The following LRRTM4 variants were observed in gnomAD, a reference collection of about 807,000 sequenced individuals.
LRRTM4 encodes leucine rich repeat transmembrane neuronal 4, also known as leucine-rich repeat transmembrane neuronal protein 4.
In LRRTM4, 25 loss-of-function variants were observed where a neutral mutation model predicts 47.6. The ratio of observed to expected loss-of-function variants is 0.53; its 90% CI spans 0.38 to 0.73. The LOEUF (loss-of-function observed/expected upper bound fraction) is 0.73. Ranked by LOEUF, LRRTM4 falls within the 30% of genes least tolerant of loss-of-function variation. The pLI, the probability that LRRTM4 is intolerant of heterozygous loss-of-function variation, is 0.00. For missense variants in LRRTM4, 638 were observed against 713.4 expected, an observed-to-expected ratio of 0.89 and a Z score of 1.20; for synonymous variants, 311 against 269.5, an observed-to-expected ratio of 1.15 and a Z score of -1.51.
intron 3 of LRRTM4, among the ~76,000 whole-genome samples, chr2:77,188,427 A>AAC (rs1673573043): frequency 6.6e-6 from 1 of 152,148 alleles, no homozygotes; most frequent in African/African-American, 2.4e-5. Flanking sequence ...TCATTAATGA[A>AAC]ACATATCATT....
chr2:77,512,029 C>T (rs893193417), intron 3 of LRRTM4, among the ~76,000 whole-genome samples: 4 of 152,144 alleles, frequency 2.6e-5, no homozygotes, highest in African/African-American at 9.7e-5. Context: ...TCAAACATAG[C>T]TCAGGACAAC....
At chr2:76,947,157 G>T (rs1402060437) in intron 3 of LRRTM4, among the ~76,000 whole-genome samples, 1 of 151,802 alleles carries the variant, frequency 6.6e-6, no homozygotes, top group Non-Finnish European at 1.5e-5. Flanking sequence ...ATCAACAGAA[G>T]GAATAATGGA....
Position 77,519,674 on chromosome 2 carries a change from G to C in LRRTM4, c.195C>G (p.Gly65=), listed in dbSNP as rs147860612. Residue 65 remains glycine, a synonymous_variant, in exon 3 of 4, where the codon GGC becomes GGG. Coordinates refer to ENST00000409884, the MANE Select transcript of LRRTM4 (RefSeq NM_001134745.3). This position sits in a 1 kb window ranked among gnomAD's most constrained non-coding sequence, Gnocchi z 4.6. ...IPENISGGSQ[G]LSLRFNSIQK... is the part of the protein sequence containing the mutation. ...GAATGCTGTTGAACCTTAATGATAA[G>C]CCTTGTGACCCTCCAGAAATGTTCT... 1 of 1,613,274 alleles carries C rather than the reference G, an allele frequency of 6.2e-7. No individual in the cohort carries two copies. Among genetic ancestry groups the C allele is most frequent in the Non-Finnish European group, 8.5e-7 (1 of 1,179,610 alleles).
chr2:77,422,387 T>C (rs1674935839), intron 3 of LRRTM4, among the ~76,000 whole-genome samples: 1 of 152,196 alleles, frequency 6.6e-6, no homozygotes. Context: ...ACTGCATCCA[T>C]GTCTGATGCA....
intron 3 of LRRTM4, among the ~76,000 whole-genome samples, chr2:76,780,260 A>T (rs1367745032): frequency 1.3e-5 from 2 of 151,932 alleles, no homozygotes; most frequent in Non-Finnish European, 2.9e-5. Context: ...CTTCTCGAGG[A>T]GTATCTTTGT....
intron 3 of LRRTM4, among the ~76,000 whole-genome samples, chr2:76,791,061 C>T (rs1674945350): frequency 1.3e-5 from 2 of 152,140 alleles, no homozygotes; most frequent in South Asian, 2.1e-4. Context: ...GGCTATAACA[C>T]TGGCTGTTAC....
At position 77,398,591 on chromosome 2, in the gene LRRTM4, G is replaced by T. The variant is rs141781160; in HGVS notation, c.1551+119727C>A. 4.0e-5 allele frequency among the ~76,000 whole-genome samples: 6 copies of T among 151,874 alleles called. No individual in the cohort carries two copies. In the East Asian group the frequency reaches 9.7e-4, roughly 25 times the overall value. On this transcript the variant is annotated intron_variant, in intron 3 of 3. Coordinates refer to ENST00000409884, the MANE Select transcript of LRRTM4 (RefSeq NM_001134745.3). ...TCATATATCAGAATTGGAAATAATGGATTGTGTGTGAAATTATTTTAGAAC... is the reference window on the plus strand; with the variant it reads ...TCATATATCAGAATTGGAAATAATGTATTGTGTGTGAAATTATTTTAGAAC...
At chr2:77,158,271 A>G (rs1275118999) in intron 3 of LRRTM4, among the ~76,000 whole-genome samples, 1 of 152,212 alleles carries the variant, frequency 6.6e-6, no homozygotes, top group Non-Finnish European at 1.5e-5. Context: ...AATGTCAAAA[A>G]ATATAGAGAT....
intron 3 of LRRTM4, among the ~76,000 whole-genome samples, chr2:76,808,035 T>G (rs1482005804): frequency 6.6e-6 from 1 of 151,626 alleles, no homozygotes; most frequent in Non-Finnish European, 1.5e-5. Context: ...CTCTTTTCTT[T>G]TCTTTCTTGT....
intron 3 of LRRTM4, among the ~76,000 whole-genome samples, chr2:77,186,081 T>C (rs1028293141): frequency 6.6e-6 from 1 of 152,130 alleles, no homozygotes; most frequent in Non-Finnish European, 1.5e-5. Flanking sequence ...ATCTAATATA[T>C]TCATTGTTTT....
chr2:76,990,826 C>T (rs997244120), intron 3 of LRRTM4, among the ~76,000 whole-genome samples: 2 of 151,518 alleles, frequency 1.3e-5, no homozygotes, highest in African/African-American at 4.8e-5. Flanking sequence ...ACTATTGCAC[C>T]CATCAATCAC....
intron 3 of LRRTM4, among the ~76,000 whole-genome samples, chr2:77,241,198 T>C (rs1231256437): frequency 1.4e-5 from 2 of 142,192 alleles, no homozygotes; most frequent in Admixed American, 1.4e-4. Flanking sequence ...AAACATGGAA[T>C]TGGAAATACA....
At chr2:77,487,213 A>T (rs1677952242) in intron 3 of LRRTM4, among the ~76,000 whole-genome samples, 1 of 152,090 alleles carries the variant, frequency 6.6e-6, no homozygotes, top group Admixed American at 6.5e-5. Flanking sequence ...GAAGCCCTGC[A>T]CTTCTGGGTG....
At chr2:77,390,234 G>A (rs1673446901) in intron 3 of LRRTM4, among the ~76,000 whole-genome samples, 1 of 152,048 alleles carries the variant, frequency 6.6e-6, no homozygotes, top group Non-Finnish European at 1.5e-5. Flanking sequence ...GTGCTGTACT[G>A]CATTGGAAGA....
At chr2:76,923,441 A>C (rs1674494628) in intron 3 of LRRTM4, among the ~76,000 whole-genome samples, 1 of 151,924 alleles carries the variant, frequency 6.6e-6, no homozygotes, top group South Asian at 2.1e-4. Context: ...TAAATACTCA[A>C]AACTGAGCAA....
At chr2:77,440,765 C>T (rs1471533654) in intron 3 of LRRTM4, among the ~76,000 whole-genome samples, 1 of 152,152 alleles carries the variant, frequency 6.6e-6, no homozygotes, top group Non-Finnish European at 1.5e-5. Flanking sequence ...CCTATACAGA[C>T]ATTTCCTTTA....
chr2:77,133,091 A>T (rs1272338839), intron 3 of LRRTM4, among the ~76,000 whole-genome samples: 1 of 152,158 alleles, frequency 6.6e-6, no homozygotes, highest in African/African-American at 2.4e-5. Flanking sequence ...CTGCCCAGAA[A>T]ATTTACTTCA....
At chr2:77,446,702 A>G (rs72921956) in intron 3 of LRRTM4, among the ~76,000 whole-genome samples, 8,402 of 152,066 alleles carry the variant, frequency 0.055, 748 homozygotes, top group African/African-American at 0.19. Flanking sequence ...CCATAACAAG[A>G]CAGCACTTTA....
chr2:76,854,481 TAAA>T (rs543264605), intron 3 of LRRTM4, among the ~76,000 whole-genome samples: 2 of 152,030 alleles, frequency 1.3e-5, no homozygotes, highest in Non-Finnish European at 2.9e-5. Context: ...ACAAATGGGA[TAAA>T]AAAACCTGAG....
Sources: gnomAD v4.1 joint callset for allele counts (sites outside exome capture counted in the v4.1 genomes callset) on GRCh38, gnomAD v4.1.1 for gene constraint, Gnocchi (gnomAD v3.1) non-coding constraint, MANE v1.5 for transcripts, NCBI Gene and HGNC (gene_info 2026-07-23, HGNC 2026-07-21) for gene names.